The following TCF24 variants were observed in gnomAD, a reference collection of about 807,000 sequenced individuals.
TCF24 encodes the protein transcription factor 24.
Under a neutral mutation model 9.3 loss-of-function variants are expected in TCF24, and 5 were observed. That is an observed-to-expected ratio of 0.54 (90% CI 0.28 to 1.13). The LOEUF is 1.13. TCF24 is among the 50% of genes most tolerant of loss of function. The pLI is 0.09. For synonymous variants in TCF24, 110 were observed against 115.8 expected (o/e 0.95, Z 0.32); for missense variants, 220 against 236.1 (o/e 0.93, Z 0.45).
In TCF24 at chr8:66,961,439, G is replaced by C. The variant is rs764735854; in HGVS notation, c.327C>G (p.Ala109=). 6.6e-6 allele frequency: 10 copies of C among 1,525,522 alleles called. No homozygotes were observed. The highest frequency in any genetic ancestry group is 1.2e-5 in the South Asian group (1 of 82,886). 94.5% of individuals were successfully genotyped at this position (1,525,522 alleles called of 1,614,324 possible). The change falls in exon 3 of 4, where the codon GCC becomes GCG. Residue 109 remains alanine, a synonymous_variant. Coordinates refer to ENST00000563496, the MANE Select transcript of TCF24 (RefSeq NM_001193502.2). The part of the protein sequence containing the change: ...AHLTRSLQDD[A]EAPADAGLGA... ...CCAACCCGGCGTCCGCCGGCGCCTC[G>C]GCGTCGTCCTGCAGGCTGCGGGTGA... is the stretch of plus-strand genomic sequence containing the variant.
At chr8:66,957,959 C>A (rs1189851782) in intron 3 of TCF24, among the ~76,000 whole-genome samples, 1 of 120,486 alleles carries the variant, frequency 8.3e-6, no homozygotes, top group East Asian at 2.6e-4. Flanking sequence ...AGTGTGGAGA[C>A]AAATGAAGGC....
chr8:66,953,348 C>CT (rs1216273410), intron 3 of TCF24, among the ~76,000 whole-genome samples: 1 of 150,130 alleles, frequency 6.7e-6, no homozygotes, highest in Admixed American at 6.6e-5. Flanking sequence ...TTCTCCTTCA[C>CT]TTATGAAGCT....
intron 3 of TCF24, among the ~76,000 whole-genome samples, chr8:66,951,522 A>T (rs1198890301): frequency 6.6e-6 from 1 of 152,060 alleles, no homozygotes; most frequent in Non-Finnish European, 1.5e-5. Flanking sequence ...TTTTGCATCA[A>T]TGTTCATCAA....
At chr8:66,955,463 A>C (rs1041962035) in intron 3 of TCF24, among the ~76,000 whole-genome samples, 3 of 152,152 alleles carry the variant, frequency 2.0e-5, no homozygotes, top group Admixed American at 6.5e-5. Context: ...TTATGTAAGC[A>C]GGCTACTTAT....
At chr8:66,948,231 A>T (rs895867611) in intron 3 of TCF24, 67 bp from the exon 4 acceptor site, 2 of 1,111,060 alleles carry the variant, frequency 1.8e-6, no homozygotes, top group Non-Finnish European at 1.2e-6. Flanking sequence ...CATGGTCTAC[A>T]ATGTTAAAGA....
At chr8:66,948,976 G>A (rs1465361009) in intron 3 of TCF24, among the ~76,000 whole-genome samples, 2 of 152,096 alleles carry the variant, frequency 1.3e-5, no homozygotes, top group Non-Finnish European at 2.9e-5. Context: ...GATTACAGGC[G>A]TGAGCTAAAT....
intron 3 of TCF24, among the ~76,000 whole-genome samples, chr8:66,951,577 C>T (rs1011207936): frequency 6.6e-5 from 10 of 152,238 alleles, no homozygotes; most frequent in East Asian, 3.9e-4. Flanking sequence ...TGTCTCTGCC[C>T]GGCTTTGGTA....
chr8:66,954,745 G>C (rs1814124605), intron 3 of TCF24, among the ~76,000 whole-genome samples: 1 of 152,270 alleles, frequency 6.6e-6, no homozygotes, highest in African/African-American at 2.4e-5. Context: ...CAATCAGTGA[G>C]ACTCCGTGGG....
intron 3 of TCF24, among the ~76,000 whole-genome samples, chr8:66,953,531 T>C: frequency 6.7e-6 from 1 of 150,354 alleles, no homozygotes. Context: ...CCTTAACATT[T>C]TTTCCTTCAT....
rs895836457 is a variant in TCF24 at position 66,947,998 on chromosome 8, T to C, written c.*53A>G. 19 of 1,253,910 alleles carry C rather than the reference T, an allele frequency of 1.5e-5. No individual in the cohort carries two copies. Among genetic ancestry groups the C allele is most frequent in the Admixed American group, 2.9e-5 (1 of 34,552 alleles). The allele number at this position is 1,253,910 out of a possible 1,614,324, so 77.7% of individuals were successfully genotyped here. A position where few individuals can be genotyped will look rare whatever the true frequency, so the allele number is the denominator to read the frequency against. On this transcript the variant is annotated 3_prime_UTR_variant, in exon 4 of 4. Transcript: ENST00000563496. ...ATATAATAAATATAGAATTATGTCA[T>C]AGTATTTAAAAACAATAGCCACCAC... is the stretch of plus-strand genomic sequence containing the variant.
At position 66,948,057 on chromosome 8, in the gene TCF24, C is replaced by A; in HGVS notation, c.498G>T (p.Gln166His). ...GCCCCCACCAGGGGAGAGCCTAAGGCTGTGAGTCTGTTGGAGTGTTGTCAT... is the reference window on the plus strand; with the variant it reads ...GCCCCCACCAGGGGAGAGCCTAAGGATGTGAGTCTGTTGGAGTGTTGTCAT... Reference protein sequence around the residue: ...TNHDNTPTDSQP With the variant: ...TNHDNTPTDSHP Residue 166 changes from glutamine to histidine, a missense_variant, in exon 4 of 4, where the codon CAG becomes CAT. Physicochemically the swap from Gln to His is conservative, Grantham distance 24. Transcript: ENST00000563496. The A allele has an allele frequency of 6.5e-7, 1 of 1,530,716 alleles. No homozygotes were observed. The allele number at this position is 1,530,716 out of a possible 1,614,324, so 94.8% of individuals were successfully genotyped here.
chr8:66,959,733 T>A (rs1362782051), intron 3 of TCF24, among the ~76,000 whole-genome samples: 1 of 152,264 alleles, frequency 6.6e-6, no homozygotes, highest in Non-Finnish European at 1.5e-5. Context: ...TAGTCACTTG[T>A]TCAAGCAACA....
chr8:66,957,895 TAAAA>T (rs11299517), intron 3 of TCF24, among the ~76,000 whole-genome samples: 6 of 43,064 alleles, frequency 1.4e-4, no homozygotes, highest in African/African-American at 5.0e-4. Context: ...TAAGAATTGC[TAAAA>T]AAAAAAAAAA....
intron 3 of TCF24, among the ~76,000 whole-genome samples, chr8:66,951,616 GT>G (rs1814060206): frequency 1.3e-5 from 2 of 152,240 alleles, no homozygotes; most frequent in Non-Finnish European, 2.9e-5. Context: ...CATAAAATGA[GT>G]TAGGGAGGAT....
At chr8:66,951,302 G>A in intron 3 of TCF24, among the ~76,000 whole-genome samples, 1 of 147,714 alleles carries the variant, frequency 6.8e-6, no homozygotes, top group Non-Finnish European at 1.5e-5. Flanking sequence ...TTAGCATGAA[G>A]GGTTGTTGAA....
rs368027308 is a variant in TCF24, at chr8:66,961,857, G to A, written c.-24+20C>T. 1.2e-5 allele frequency: 12 copies of A among 983,160 alleles called. No homozygotes were observed. The highest frequency in any genetic ancestry group is 6.0e-5 in the Admixed American group (1 of 16,748). 60.9% of individuals were successfully genotyped at this position (983,160 alleles called of 1,614,324 possible). A position where few individuals can be genotyped will look rare whatever the true frequency, so the allele number is the denominator to read the frequency against. On this transcript the variant is annotated intron_variant, in intron 2 of 3. Transcript: ENST00000563496. ...CTTAACCCGAGAGGCGCAGCCCCCT[G>A]GTTCTCCCCGTGCGCCCACCAGCAG...
At chr8:66,960,162 A>G (rs1475256648) in intron 3 of TCF24, among the ~76,000 whole-genome samples, 1 of 152,184 alleles carries the variant, frequency 6.6e-6, no homozygotes, top group Non-Finnish European at 1.5e-5. Flanking sequence ...CCCCTTAATA[A>G]TGACTTTTCT....
Position 66,948,055 on chromosome 8 carries a change from G to A in TCF24, c.500C>T (p.Pro167Leu), listed in dbSNP as rs1241447961. The A allele has an allele frequency of 1.1e-5, 17 of 1,530,274 alleles. No homozygotes were observed. Among genetic ancestry groups the A allele is most frequent in the Non-Finnish European group, 1.5e-5 (17 of 1,144,712 alleles). 94.8% of individuals were successfully genotyped at this position (1,530,274 alleles called of 1,614,324 possible). Residue 167 changes from proline (P) to leucine (L), a missense_variant, in exon 4 of 4, where the codon CCT becomes CTT. Coordinates refer to ENST00000563496, the MANE Select transcript of TCF24 (RefSeq NM_001193502.2). ...CAGCCCCCACCAGGGGAGAGCCTAA[G>A]GCTGTGAGTCTGTTGGAGTGTTGTC... The part of the protein sequence containing the change: ...NHDNTPTDSQ[P>L]
chr8:66,958,457 G>T (rs1814198461), intron 3 of TCF24, among the ~76,000 whole-genome samples: 1 of 152,162 alleles, frequency 6.6e-6, no homozygotes. Context: ...GAGGTCAGGA[G>T]ATCAAGACCA....
Sources: allele counts gnomAD v4.1 joint callset (sites outside exome capture counted in the v4.1 genomes callset), GRCh38; gene constraint gnomAD v4.1.1; transcripts MANE v1.5; gene names NCBI Gene and HGNC (gene_info 2026-07-23, HGNC 2026-07-21).